The following PTPRN2 variants were observed in gnomAD, a reference collection of about 807,000 sequenced individuals.
PTPRN2 encodes the protein protein tyrosine phosphatase receptor type N2, also known as receptor-type tyrosine-protein phosphatase N2.
Under a neutral mutation model 118.8 loss-of-function variants are expected in PTPRN2, and 74 were observed. The ratio of observed to expected loss-of-function variants is 0.62; its 90% CI spans 0.52 to 0.76. PTPRN2 has a LOEUF of 0.76. Ranked by LOEUF, PTPRN2 falls within the 30% of genes least tolerant of loss-of-function variation. The pLI is 0.00. For synonymous variants in PTPRN2, 641 were observed against 608.0 expected, an observed-to-expected ratio of 1.05 and a Z score of -0.80; for missense variants, 1,481 against 1,394.4, an observed-to-expected ratio of 1.06 and a Z score of -0.99.
At chr7:158,262,324 T>G in intron 3 of PTPRN2, among the ~76,000 whole-genome samples, 1 of 138,666 alleles carries the variant, frequency 7.2e-6, no homozygotes, top group African/African-American at 2.7e-5. Context: ...GCACACACAT[T>G]CACACACACT....
intron 3 of PTPRN2, among the ~76,000 whole-genome samples, chr7:158,243,998 TAAGC>T (rs1328748771): frequency 6.6e-6 from 1 of 152,208 alleles, no homozygotes; most frequent in Non-Finnish European, 1.5e-5. Context: ...TAATACCTCC[TAAGC>T]AACAGTCTCT....
At chr7:158,456,155 G>A (rs1240803966) in intron 2 of PTPRN2, among the ~76,000 whole-genome samples, 4 of 148,892 alleles carry the variant, frequency 2.7e-5, no homozygotes, top group Admixed American at 6.7e-5. Flanking sequence ...CGGCATGGAC[G>A]CCATCAGCCA....
At chr7:158,150,020 G>T (rs566759659) in intron 6 of PTPRN2, among the ~76,000 whole-genome samples, 16 of 152,322 alleles carry the variant, frequency 1.1e-4, no homozygotes, top group African/African-American at 2.2e-4. Context: ...ATCAGATTTA[G>T]GTGGCGTAGT....
Position 157,571,484 on chromosome 7 carries a change from G to A in PTPRN2, c.2793C>T (p.Asn931=). The change falls in exon 20 of 23, where the codon AAC becomes AAT. Residue 931 remains asparagine, a synonymous_variant. Coordinates refer to ENST00000389418, the MANE Select transcript of PTPRN2 (RefSeq NM_002847.5). The part of the protein sequence containing the change: ...RSLLDFRRKV[N]KCYRGRSCPI... ...GACAAGAACGGCCCCTGTAGCACTT[G>A]TTTACTTTTCTGAAATAAAAAGAGA... is the stretch of plus-strand genomic sequence containing the variant. 1 of 1,607,430 alleles carries A rather than the reference G, an allele frequency of 6.2e-7. No individual in the cohort carries two copies. Among genetic ancestry groups the A allele is most frequent in the African/African-American group, 1.3e-5 (1 of 74,768 alleles).
At chr7:157,995,171 G>A (rs985745442) in intron 11 of PTPRN2, among the ~76,000 whole-genome samples, 9 of 145,414 alleles carry the variant, frequency 6.2e-5, no homozygotes, top group African/African-American at 1.5e-4. Context: ...TCAACGCCAC[G>A]TCCCCAGCTT....
chr7:158,257,248 G>A (rs907255381), intron 3 of PTPRN2, among the ~76,000 whole-genome samples: 50 of 152,300 alleles, frequency 3.3e-4, no homozygotes, highest in African/African-American at 8.9e-4. Flanking sequence ...AGTCAGACGC[G>A]GAACCCGACC....
At chr7:157,557,152 C>T (rs1020730565) in intron 21 of PTPRN2, among the ~76,000 whole-genome samples, 1 of 150,884 alleles carries the variant, frequency 6.6e-6, no homozygotes, top group Admixed American at 6.6e-5. Context: ...TATATACTCA[C>T]ATGCATGCAC....
chr7:157,897,068 T>C (rs1797172383), intron 12 of PTPRN2, among the ~76,000 whole-genome samples: 1 of 152,120 alleles, frequency 6.6e-6, no homozygotes, highest in Non-Finnish European at 1.5e-5. Flanking sequence ...CCTCGACGCG[T>C]TCTCTGACCA....
chr7:157,565,054 G>C (rs539778221), intron 21 of PTPRN2, among the ~76,000 whole-genome samples: 1 of 152,252 alleles, frequency 6.6e-6, no homozygotes, highest in Non-Finnish European at 1.5e-5. Flanking sequence ...TAACAGTCAC[G>C]GAAGCGCAGA....
chr7:158,194,194 G>A (rs943752307), intron 4 of PTPRN2, among the ~76,000 whole-genome samples: 3 of 152,208 alleles, frequency 2.0e-5, no homozygotes, highest in Non-Finnish European at 4.4e-5. Context: ...GCGTTTGTCT[G>A]TGTATGTGTG....
At chr7:157,991,684 G>A (rs1004813134) in intron 11 of PTPRN2, among the ~76,000 whole-genome samples, 1 of 152,218 alleles carries the variant, frequency 6.6e-6, no homozygotes, top group African/African-American at 2.4e-5. Context: ...GGAGTGTTGG[G>A]GTGAGAGCTG....
intron 2 of PTPRN2, among the ~76,000 whole-genome samples, chr7:158,407,249 CGTCCTGG>C (rs1813605123): frequency 0.17 from 3,460 of 20,866 alleles, 874 homozygotes; most frequent in Non-Finnish European, 0.18. Flanking sequence ...CTGGGTCCTG[CGTCCTGG>C]GTCCTGGGTC....
intron 12 of PTPRN2, among the ~76,000 whole-genome samples, chr7:157,837,911 G>A (rs1386445887): frequency 6.6e-6 from 1 of 152,266 alleles, no homozygotes; most frequent in Non-Finnish European, 1.5e-5. Context: ...TGAGTGGATG[G>A]CAAGGGAGAA....
intron 3 of PTPRN2, among the ~76,000 whole-genome samples, chr7:158,301,899 G>A (rs1051166104): frequency 2.0e-5 from 3 of 152,136 alleles, no homozygotes; most frequent in Admixed American, 6.5e-5. Flanking sequence ...GCAGTAAGCC[G>A]AGATTGTGCC....
intron 2 of PTPRN2, among the ~76,000 whole-genome samples, chr7:158,356,169 C>T (rs778847162): frequency 6.6e-6 from 1 of 152,094 alleles, no homozygotes; most frequent in Non-Finnish European, 1.5e-5. Flanking sequence ...TAAAAGACTG[C>T]CATTTCTGAA....
At chr7:157,556,142 CCCTCCCCAGA>C (rs1248414607) in intron 21 of PTPRN2, among the ~76,000 whole-genome samples, 1 of 152,314 alleles carries the variant, frequency 6.6e-6, no homozygotes, top group East Asian at 1.9e-4. Context: ...ACGGTTCAAG[CCCTCCCCAGA>C]CCTGGGTCTC....
rs951215173 is a variant in PTPRN2, at chr7:157,589,918, C to T, written c.2496+5320G>A. On this transcript the variant is annotated intron_variant, in intron 17 of 22. Transcript: ENST00000389418. ...GGAGCTTGTGGGTGGTGCTCTATGC[C>T]GAGGACGGCTTTTTCTGCCTCCTGC... 5.9e-5 allele frequency among the ~76,000 whole-genome samples: 9 copies of T among 152,220 alleles called. No homozygotes were observed. The East Asian group carries it at 1.2e-3, about 20-fold the overall frequency.
chr7:158,132,614 A>G (rs1818452923), intron 9 of PTPRN2, among the ~76,000 whole-genome samples: 1 of 151,998 alleles, frequency 6.6e-6, no homozygotes, highest in African/African-American at 2.4e-5. Context: ...TGTCTACCCA[A>G]CATACACACT....
chr7:157,886,370 G>A lies in PTPRN2; in HGVS notation c.1788+12303C>T, dbSNP rs76840038. Among the ~76,000 whole-genome samples, 41 of 152,300 alleles carry A rather than the reference G, an allele frequency of 2.7e-4. No homozygotes were observed. The East Asian group carries it at 7.7e-3, about 29-fold the overall frequency. ...AAAATGTTAGAAAAGGGCACAGGGA[G>A]GGAGGGAAGCATGTCGAGAAGCAGG... is the stretch of plus-strand genomic sequence containing the variant. On this transcript the variant is annotated intron_variant, in intron 12 of 22. Coordinates refer to ENST00000389418, the MANE Select transcript of PTPRN2 (RefSeq NM_002847.5).
Sources: gnomAD v4.1 joint callset for allele counts (sites outside exome capture counted in the v4.1 genomes callset) on GRCh38, gnomAD v4.1.1 for gene constraint, MANE v1.5 for transcripts, NCBI Gene and HGNC (gene_info 2026-07-23, HGNC 2026-07-21) for gene names.